Variants in ZDBF2 observed in about 807,000 individuals in gnomAD.
ZDBF2 encodes the protein DBF4-type zinc finger-containing protein 2.
A neutral mutation model predicts 9.4 loss-of-function variants in ZDBF2; 6 were observed. The ratio of observed to expected loss-of-function variants is 0.64; its 90% CI spans 0.35 to 1.27. ZDBF2 has a LOEUF of 1.27. ZDBF2 is among the 50% of genes most tolerant of loss of function. The pLI is 0.03. For missense variants in ZDBF2, 2,697 were observed against 2,766.8 expected (o/e 0.97, Z 0.57); for synonymous variants, 905 against 946.3 (o/e 0.96, Z 0.80).
chr2:206,296,962 A>G (rs374811538), intron 3 of ZDBF2, among the ~76,000 whole-genome samples: 5 of 152,152 alleles, frequency 3.3e-5, no homozygotes, highest in African/African-American at 9.7e-5. Context: ...ACTGTTAGAA[A>G]CTTAGGAGGT....
At chr2:206,283,113 C>A (rs1691409846) in intron 3 of ZDBF2, among the ~76,000 whole-genome samples, 1 of 152,134 alleles carries the variant, frequency 6.6e-6, no homozygotes, top group Non-Finnish European at 1.5e-5. Context: ...ATTCATTGAG[C>A]AATTTATGGA....
chr2:206,285,731 G>GT (rs1436418397), intron 3 of ZDBF2, among the ~76,000 whole-genome samples: 1 of 152,110 alleles, frequency 6.6e-6, no homozygotes, highest in Non-Finnish European at 1.5e-5. Flanking sequence ...CCAGACCACT[G>GT]TCCCAAAGCA....
chr2:206,294,313 G>A (rs1186649889), intron 3 of ZDBF2, among the ~76,000 whole-genome samples: 2 of 152,124 alleles, frequency 1.3e-5, no homozygotes. Flanking sequence ...TCTACTTTGT[G>A]ATAGTTGATT....
rs1692955933 is a variant in ZDBF2 at position 206,308,610 on chromosome 2, C to G, written c.4082C>G (p.Ser1361Cys). 5 of 1,613,194 alleles carry G rather than the reference C, an allele frequency of 3.1e-6. No homozygotes were observed. Among genetic ancestry groups the G allele is most frequent in the Non-Finnish European group, 4.2e-6 (5 of 1,179,832 alleles). ...AGTCTGGAAGATAAGAGCAGTAATT[C>G]TTATAGTCCTGAAGAAAGTTCTGAT... is the stretch of plus-strand genomic sequence containing the variant. ...HASLEDKSSNSYSPEESSDSN... is the reference protein window; with the variant it reads ...HASLEDKSSNCYSPEESSDSN... Residue 1361 changes from serine to cysteine, a missense_variant, in exon 5 of 5, where the codon TCT becomes TGT. By Grantham distance (112) the Ser-to-Cys change is moderately radical (BLOSUM62 -1). Around this residue, in one of 3 missense-constraint regions of ZDBF2, gnomAD observed 1,783 missense variants for 1,776.5 expected, o/e 1.00. Coordinates refer to ENST00000374423, the MANE Select transcript of ZDBF2 (RefSeq NM_020923.3).
At chr2:206,278,286 T>G (rs973399445) in intron 1 of ZDBF2, among the ~76,000 whole-genome samples, 4 of 152,214 alleles carry the variant, frequency 2.6e-5, no homozygotes, top group African/African-American at 9.6e-5. Flanking sequence ...TTTGTAAGCA[T>G]ACATGACTAT....
intron 1 of ZDBF2, among the ~76,000 whole-genome samples, chr2:206,276,727 A>G (rs1461056765): frequency 6.6e-6 from 1 of 152,234 alleles, no homozygotes; most frequent in Non-Finnish European, 1.5e-5. Flanking sequence ...GGAATTAATC[A>G]TGGCAGCTAC....
intron 1 of ZDBF2, among the ~76,000 whole-genome samples, chr2:206,277,661 A>G (rs2105891193): frequency 6.6e-6 from 1 of 151,012 alleles, no homozygotes; most frequent in Non-Finnish European, 1.5e-5. Flanking sequence ...AGGAACAAAA[A>G]TGGAAACTCG....
In ZDBF2 at chr2:206,305,394, A is replaced by G; in HGVS notation, c.866A>G (p.His289Arg). 1 of 1,613,456 alleles carries G rather than the reference A, an allele frequency of 6.2e-7. No individual in the cohort carries two copies. Among genetic ancestry groups the G allele is most frequent in the Non-Finnish European group, 8.5e-7 (1 of 1,179,658 alleles). The change falls in exon 5 of 5, where the codon CAT becomes CGT. Residue 289 changes from histidine to arginine, a missense_variant. Physicochemically the swap from His to Arg is conservative, Grantham distance 29. Coordinates refer to ENST00000374423, the MANE Select transcript of ZDBF2 (RefSeq NM_020923.3). ...ACTTTATCAGCTGGCTTGAAATTCC[A>G]TGAACGCATGGGTACTAAGGGCTCC... is the stretch of plus-strand genomic sequence containing the variant. ...GKTLSAGLKFHERMGTKGSLR... is the reference protein window; with the variant it reads ...GKTLSAGLKFRERMGTKGSLR...
chr2:206,311,590 A>C lies in ZDBF2; in HGVS notation c.7062A>C (p.Lys2354Asn). 6.7e-7 allele frequency: 1 copy of C among 1,489,318 alleles called. No homozygotes were observed. Among genetic ancestry groups the C allele is most frequent in the Non-Finnish European group, 8.9e-7 (1 of 1,120,300 alleles). 92.3% of individuals were successfully genotyped at this position (1,489,318 alleles called of 1,614,324 possible). A position where few individuals can be genotyped will look rare whatever the true frequency, so the allele number is the denominator to read the frequency against. The change falls in exon 5 of 5, where the codon AAA becomes AAC. Residue 2354 changes from lysine to asparagine, a missense_variant. Physicochemically the swap from Lys to Asn is moderately conservative, Grantham distance 94. Coordinates refer to ENST00000374423, the MANE Select transcript of ZDBF2 (RefSeq NM_020923.3). ...ACAAACTGAGAGGTAATGAGGTAAA[A>C]TAGAAGTTGGTTTTGTGTTCAGGCT... ...LANKLRGNEV[K>N]
chr2:206,291,736 A>G (rs942525084), intron 3 of ZDBF2, among the ~76,000 whole-genome samples: 10 of 152,212 alleles, frequency 6.6e-5, no homozygotes, highest in Non-Finnish European at 1.3e-4. Context: ...GTCATGGTGT[A>G]TAATCCTTTT....
chr2:206,293,824 G>A (rs56097024), intron 3 of ZDBF2, among the ~76,000 whole-genome samples: 59,180 of 151,896 alleles, frequency 0.39, 12,107 homozygotes, highest in Admixed American at 0.46. Context: ...CACTTTGGAA[G>A]ACTGGTCGGT....
intron 4 of ZDBF2, among the ~76,000 whole-genome samples, chr2:206,303,808 G>T (rs1016460241): frequency 2.6e-5 from 4 of 151,930 alleles, no homozygotes; most frequent in Non-Finnish European, 5.9e-5. Flanking sequence ...TTACATAAAT[G>T]GTAGCTTTCT....
Position 206,297,401 on chromosome 2 carries a change from A to T in ZDBF2, c.188+28A>T, listed in dbSNP as rs772816282. 6.3e-6 allele frequency: 10 copies of T among 1,587,482 alleles called. No homozygotes were observed. In the Admixed American group the frequency reaches 1.7e-4, roughly 28 times the overall value. On this transcript the variant is annotated intron_variant, in intron 4 of 4. Coordinates refer to ENST00000374423, the MANE Select transcript of ZDBF2 (RefSeq NM_020923.3). ...AAAGTAGTTGATTGGAATAATATTT[A>T]TACGTAGTTATATGTTACAGTAGGT...
At chr2:206,300,327 C>T (rs980568965) in intron 4 of ZDBF2, among the ~76,000 whole-genome samples, 1 of 152,222 alleles carries the variant, frequency 6.6e-6, no homozygotes, top group African/African-American at 2.4e-5. Context: ...ATTTCGTTGT[C>T]AGCATCTCCT....
chr2:206,311,218 C>G lies in ZDBF2; in HGVS notation c.6690C>G (p.Tyr2230Ter). Residue 2230 changes from tyrosine to a stop codon, truncating the protein, a stop_gained, in exon 5 of 5, where the codon TAC (tyrosine) becomes TAG (stop). Coordinates refer to ENST00000374423, the MANE Select transcript of ZDBF2 (RefSeq NM_020923.3). LOFTEE classifies it low-confidence loss of function (END_TRUNC). ...SDIIRKYISK[Y>*]SVFLRHRYQS... ...TCATTAGAAAGTATATTTCGAAATACTCTGTCTTTTTACGTCATAGATATC... is the reference window on the plus strand; with the variant it reads ...TCATTAGAAAGTATATTTCGAAATAGTCTGTCTTTTTACGTCATAGATATC... The G allele has an allele frequency of 3.1e-6, 5 of 1,612,186 alleles. No homozygotes were observed. The highest frequency in any genetic ancestry group is 4.2e-6 in the Non-Finnish European group (5 of 1,179,252).
rs781164791 is a variant in ZDBF2, at chr2:206,311,381, G to A, written c.6853G>A (p.Ala2285Thr). 3.2e-5 allele frequency: 51 copies of A among 1,606,614 alleles called. No individual in the cohort carries two copies. The highest frequency in any genetic ancestry group is 1.6e-4 in the Middle Eastern group (1 of 6,062). Residue 2285 changes from alanine to threonine, a missense_variant, in exon 5 of 5, where the codon GCT becomes ACT. Ala to Thr is a moderately conservative substitution (Grantham distance 58). Around this residue, in one of 3 missense-constraint regions of ZDBF2, gnomAD observed 1,783 missense variants for 1,776.5 expected, o/e 1.00. Transcript: ENST00000374423. ...AGCTGGTGCCGAAGAGCTGTCAAGC[G>A]CTATGGCAAATCCTCCTCCAAAGCG... ...PPAGAEELSS[A>T]MANPPPKRPV...
intron 3 of ZDBF2, among the ~76,000 whole-genome samples, chr2:206,295,181 GTTAAA>G (rs1435610272): frequency 6.6e-6 from 1 of 152,048 alleles, no homozygotes; most frequent in East Asian, 1.9e-4. Context: ...TCTAAGTATT[GTTAAA>G]TTAAAATGCA....
intron 3 of ZDBF2, among the ~76,000 whole-genome samples, chr2:206,284,154 G>C (rs2105904158): frequency 6.6e-6 from 1 of 151,716 alleles, no homozygotes; most frequent in East Asian, 1.9e-4. Flanking sequence ...TTTTTGTATA[G>C]GGTGTGAGAT....
At position 206,309,397 on chromosome 2, in the gene ZDBF2, T is replaced by C. The variant is rs927890117; in HGVS notation, c.4869T>C (p.Ser1623=). Residue 1623 remains serine (S), a synonymous_variant, in exon 5 of 5, where the codon TCT becomes TCC. Transcript: ENST00000374423. ...AGCCAAGTTGTCAATCTTGTGGTTCTGAAATGAATTTTAATGTTGATGCCT... is the reference window on the plus strand; with the variant it reads ...AGCCAAGTTGTCAATCTTGTGGTTCCGAAATGAATTTTAATGTTGATGCCT... The part of the protein sequence containing the change: ...LGEPSCQSCG[S]EMNFNVDASD... 1.2e-6 allele frequency: 2 copies of C among 1,613,692 alleles called. No individual in the cohort carries two copies. Among genetic ancestry groups the C allele is most frequent in the Admixed American group, 3.3e-5 (2 of 59,978 alleles).
Sources: allele counts gnomAD v4.1 joint callset (sites outside exome capture counted in the v4.1 genomes callset), GRCh38; gene constraint gnomAD v4.1.1; regional missense constraint gnomAD v4.1.1; transcripts MANE v1.5; gene names NCBI Gene and HGNC (gene_info 2026-07-23, HGNC 2026-07-21).